The following TMEM132C variants were observed in gnomAD, a reference collection of about 807,000 sequenced individuals.
TMEM132C encodes the protein transmembrane protein 132C, also known as protein phosphatase 1, regulatory subunit 152.
A neutral mutation model predicts 61.4 loss-of-function variants in TMEM132C; 29 were observed. That is an observed-to-expected ratio of 0.47 (90% CI 0.35 to 0.64). The LOEUF (loss-of-function observed/expected upper bound fraction) is 0.64, where lower values mean the gene tolerates loss of function less well. TMEM132C is among the 30% of genes least tolerant of loss of function. The probability of loss-of-function intolerance (pLI) is 0.00; values close to 1 mark genes in which losing one functional copy is unlikely to be tolerated. For missense variants in TMEM132C, 1,408 were observed against 1,476.9 expected, an observed-to-expected ratio of 0.95 and a Z score of 0.76; for synonymous variants, 656 against 633.1, an observed-to-expected ratio of 1.04 and a Z score of -0.54.
chr12:128,529,095 T>G (rs945046915), intron 2 of TMEM132C, among the ~76,000 whole-genome samples: 3 of 152,132 alleles, frequency 2.0e-5, no homozygotes, highest in African/African-American at 7.2e-5. Flanking sequence ...CTTATAATTA[T>G]AACACTGTTC....
At chr12:128,562,060 T>C (rs779416233) in intron 3 of TMEM132C, among the ~76,000 whole-genome samples, 3 of 152,120 alleles carry the variant, frequency 2.0e-5, no homozygotes, top group Non-Finnish European at 2.9e-5. Flanking sequence ...AAGGATCCAA[T>C]GCGCGTCTAC....
At chr12:128,546,780 C>G (rs1007326050) in intron 3 of TMEM132C, among the ~76,000 whole-genome samples, 1 of 152,210 alleles carries the variant, frequency 6.6e-6, no homozygotes, top group African/African-American at 2.4e-5. Flanking sequence ...TTGGACCCAC[C>G]TGGGTAATCC....
At chr12:128,638,625 A>C (rs1351822219) in intron 4 of TMEM132C, among the ~76,000 whole-genome samples, 1 of 152,242 alleles carries the variant, frequency 6.6e-6, no homozygotes, top group African/African-American at 2.4e-5. Context: ...CAGCTTGGAA[A>C]GGTGGTTACG....
chr12:128,300,293 A>G (rs1871554061), intron 1 of TMEM132C, among the ~76,000 whole-genome samples: 1 of 152,172 alleles, frequency 6.6e-6, no homozygotes, highest in African/African-American at 2.4e-5. Context: ...TGGCAACAGG[A>G]AGGTGGAAGA....
intron 4 of TMEM132C, among the ~76,000 whole-genome samples, chr12:128,619,006 A>T (rs183485237): frequency 1.0e-3 from 154 of 152,330 alleles, no homozygotes; most frequent in Non-Finnish European, 6.6e-4. Flanking sequence ...GGTTCAGAAT[A>T]AGCTTTAGGA....
intron 2 of TMEM132C, among the ~76,000 whole-genome samples, chr12:128,531,188 G>T (rs2136136079): frequency 6.6e-6 from 1 of 152,350 alleles, no homozygotes; most frequent in East Asian, 1.9e-4. Context: ...AGAAATAATA[G>T]AGTTAGAAGT....
chr12:128,411,905 C>G (rs1474557810), intron 1 of TMEM132C, among the ~76,000 whole-genome samples: 1 of 152,124 alleles, frequency 6.6e-6, no homozygotes, highest in Non-Finnish European at 1.5e-5. Flanking sequence ...TAACCCCTTC[C>G]CTTACGGTGA....
chr12:128,661,097 T>C (rs1041400703), intron 4 of TMEM132C, among the ~76,000 whole-genome samples: 15 of 152,192 alleles, frequency 9.9e-5, no homozygotes, highest in African/African-American at 3.6e-4. Flanking sequence ...GCTAGATAGA[T>C]AGACAGATAT....
intron 3 of TMEM132C, among the ~76,000 whole-genome samples, chr12:128,555,143 CA>C (rs1874291613): frequency 6.6e-6 from 1 of 151,756 alleles, no homozygotes; most frequent in Admixed American, 6.6e-5. Flanking sequence ...AGGCTCTTTC[CA>C]AAAAAACAAA....
chr12:128,435,004 C>T (rs992842759), intron 2 of TMEM132C, among the ~76,000 whole-genome samples: 3 of 151,944 alleles, frequency 2.0e-5, no homozygotes, highest in African/African-American at 4.8e-5. Context: ...AAGTCCTAAC[C>T]TCCAGCCCCT....
intron 1 of TMEM132C, among the ~76,000 whole-genome samples, chr12:128,377,053 T>G (rs1389410799): frequency 1.3e-5 from 2 of 148,942 alleles, no homozygotes; most frequent in East Asian, 4.2e-4. Context: ...CCATGTGCTT[T>G]CTTGATTTTT....
At chr12:128,408,704 G>A (rs112617132) in intron 1 of TMEM132C, among the ~76,000 whole-genome samples, 84 of 152,300 alleles carry the variant, frequency 5.5e-4, no homozygotes, top group African/African-American at 1.7e-3. Context: ...AAATGGAAGC[G>A]CCGAGCCATC....
intron 1 of TMEM132C, among the ~76,000 whole-genome samples, chr12:128,327,367 TTTG>T (rs1872554985): frequency 7.0e-6 from 1 of 143,388 alleles, no homozygotes; most frequent in East Asian, 2.0e-4. Flanking sequence ...GCTTGGTTTG[TTTG>T]TTTGTTTGTT....
intron 2 of TMEM132C, among the ~76,000 whole-genome samples, chr12:128,466,628 C>T (rs749804603): frequency 4.1e-4 from 63 of 152,262 alleles, no homozygotes; most frequent in Middle Eastern, 3.4e-3. Flanking sequence ...ACCTTCAGGG[C>T]TTAAGCCATA....
At chr12:128,303,081 G>A (rs1349293237) in intron 1 of TMEM132C, among the ~76,000 whole-genome samples, 1 of 152,182 alleles carries the variant, frequency 6.6e-6, no homozygotes, top group Non-Finnish European at 1.5e-5. Flanking sequence ...TGCCTTCCAA[G>A]ACCTTAGGAT....
At chr12:128,314,365 C>G (rs189651380) in intron 1 of TMEM132C, among the ~76,000 whole-genome samples, 1 of 152,224 alleles carries the variant, frequency 6.6e-6, no homozygotes, top group East Asian at 1.9e-4. Context: ...CTATTCGAGG[C>G]TGTTCAAAAT....
At chr12:128,389,464 C>A (rs574225070) in intron 1 of TMEM132C, among the ~76,000 whole-genome samples, 51 of 152,260 alleles carry the variant, frequency 3.3e-4, no homozygotes, top group Non-Finnish European at 2.9e-4. Flanking sequence ...CCAGAGAGCT[C>A]AACACCACCC....
intron 8 of TMEM132C, among the ~76,000 whole-genome samples, chr12:128,704,386 A>G (rs1325309616): frequency 6.6e-6 from 1 of 152,122 alleles, no homozygotes; most frequent in Non-Finnish European, 1.5e-5. Context: ...TCTGCTACCC[A>G]TGCAGAGCAA....
chr12:128,463,860 C>T (rs1025196816), intron 2 of TMEM132C, among the ~76,000 whole-genome samples: 13 of 152,144 alleles, frequency 8.5e-5, no homozygotes, highest in African/African-American at 3.1e-4. Context: ...GGGCAAACTC[C>T]AAGATGTGAG....
Sources: allele counts gnomAD v4.1 joint callset (sites outside exome capture counted in the v4.1 genomes callset), GRCh38; gene constraint gnomAD v4.1.1; transcripts MANE v1.5; gene names NCBI Gene and HGNC (gene_info 2026-07-23, HGNC 2026-07-21).